Variants in RRP12 observed in about 807,000 individuals in gnomAD.
The protein encoded by RRP12 is ribosomal RNA processing 12 homolog, also known as RRP12-like protein.
In RRP12, 78 loss-of-function variants were observed where a neutral mutation model predicts 157.3. The ratio of observed to expected loss-of-function variants is 0.50; its 90% CI spans 0.41 to 0.60. The LOEUF is 0.60. Among genes scored for constraint, RRP12 ranks in the 20% least tolerant of loss-of-function variants. RRP12 has a pLI of 0.00. For synonymous variants in RRP12, 726 were observed against 670.9 expected, an observed-to-expected ratio of 1.08 and a Z score of -1.27; for missense variants, 1,521 against 1,679.9, an observed-to-expected ratio of 0.91 and a Z score of 1.65.
chr10:97,390,385 T>C lies in RRP12; in HGVS notation c.753+38A>G, dbSNP rs568541146. 19 of 1,503,206 alleles carry C rather than the reference T, an allele frequency of 1.3e-5. No homozygotes were observed. In the Admixed American group the frequency reaches 1.3e-4, roughly 11 times the overall value. 93.1% of individuals were successfully genotyped at this position (1,503,206 alleles called of 1,614,324 possible). A position where few individuals can be genotyped will look rare whatever the true frequency, so the allele number is the denominator to read the frequency against. ...GCTGCACTGGGCTGAGTGGTGGCTGTCCCCTTGCCCCATTTTCTAGGGAGC... is the reference window on the plus strand; with the variant it reads ...GCTGCACTGGGCTGAGTGGTGGCTGCCCCCTTGCCCCATTTTCTAGGGAGC... On this transcript the variant is annotated intron_variant, in intron 6 of 33. Coordinates refer to ENST00000370992, the MANE Select transcript of RRP12 (RefSeq NM_015179.4).
chr10:97,398,610 G>C (rs546078493), intron 2 of RRP12, among the ~76,000 whole-genome samples: 7 of 151,686 alleles, frequency 4.6e-5, no homozygotes, highest in African/African-American at 1.7e-4. Flanking sequence ...GCCTCCCAAA[G>C]TGCTAGGATT....
chr10:97,360,593 T>C lies in RRP12; in HGVS notation c.3593A>G (p.Gln1198Arg). The C allele has an allele frequency of 6.2e-7, 1 of 1,614,028 alleles. No homozygotes were observed. Among genetic ancestry groups the C allele is most frequent in the Non-Finnish European group, 8.5e-7 (1 of 1,179,912 alleles). Residue 1198 changes from glutamine to arginine, a missense_variant, in exon 31 of 34, where the codon CAG becomes CGG. Transcript: ENST00000370992. ...RNKKHQKLKHQKEAEEEELEI... is the reference protein window; with the variant it reads ...RNKKHQKLKHRKEAEEEELEI... ...CAGCTCCTCCTCCTCAGCCTCTTTC[T>C]GGTGCTTGAGCTTCTGGTGCTTTTT...
intron 8 of RRP12, among the ~76,000 whole-genome samples, chr10:97,387,520 G>A (rs899590390): frequency 8.6e-5 from 13 of 151,494 alleles, no homozygotes; most frequent in Non-Finnish European, 1.9e-4. Flanking sequence ...TCAATCCAAG[G>A]TTGGTTGAAT....
chr10:97,397,114 T>C (rs1173108198), intron 2 of RRP12, among the ~76,000 whole-genome samples: 1 of 152,060 alleles, frequency 6.6e-6, no homozygotes, highest in Non-Finnish European at 1.5e-5. Context: ...CCTAACACAA[T>C]GTAAATGCTA....
In RRP12 at chr10:97,366,520, C is replaced by T. The variant is rs1395193205; in HGVS notation, c.3317G>A (p.Arg1106Gln). 5.6e-6 allele frequency: 9 copies of T among 1,614,126 alleles called. No homozygotes were observed. The highest frequency in any genetic ancestry group is 3.3e-5 in the South Asian group (3 of 91,082). The change falls in exon 28 of 34, where the codon CGG becomes CAG. Residue 1106 changes from arginine to glutamine, a missense_variant. Coordinates refer to ENST00000370992, the MANE Select transcript of RRP12 (RefSeq NM_015179.4). ...CCCACCGCCCTCTTTCAGCCATGCC[C>T]GGCTCCTCTGTCGTGCCAGCTTCCG... ...EQRKLARQRS[R>Q]AWLKEGGGDE...
intron 2 of RRP12, 115 bp downstream of exon 2, chr10:97,400,190 G>A (rs1453176771): frequency 2.6e-6 from 2 of 774,054 alleles, no homozygotes; most frequent in Non-Finnish European, 4.4e-6. Context: ...GAGCGATGAC[G>A]CATCATCCAG....
chr10:97,382,473 T>C (rs1032329186), intron 10 of RRP12, among the ~76,000 whole-genome samples: 1 of 152,226 alleles, frequency 6.6e-6, no homozygotes, highest in African/African-American at 2.4e-5. Context: ...TCTTATCATA[T>C]ACCAATCACT....
Position 97,369,467 on chromosome 10 carries a change from A to G in RRP12, c.2913T>C (p.Thr971=). 1.2e-6 allele frequency: 2 copies of G among 1,612,402 alleles called. No homozygotes were observed. Among genetic ancestry groups the G allele is most frequent in the Non-Finnish European group, 1.7e-6 (2 of 1,179,336 alleles). ...TGGCCAGGTGCGCCACGTCCATGAC[A>G]GTCACTGCCACCTTGATGAAGCCCA... ...SALGFIKVAV[T]VMDVAHLAKH... is the part of the protein sequence containing the mutation. The change falls in exon 25 of 34, where the codon ACT becomes ACC. Residue 971 remains threonine (T), a synonymous_variant. Transcript: ENST00000370992.
At chr10:97,390,327 G>A in intron 6 of RRP12, 96 bp downstream of exon 6, 4 of 906,056 alleles carry the variant, frequency 4.4e-6, no homozygotes, top group Non-Finnish European at 7.3e-6. Context: ...CTCAGGGCAA[G>A]CTCCCCAGTG....
intron 30 of RRP12, among the ~76,000 whole-genome samples, chr10:97,361,601 G>A (rs912663773): frequency 6.6e-6 from 1 of 152,222 alleles, no homozygotes; most frequent in Admixed American, 6.5e-5. Context: ...GGGAGACGGG[G>A]GACTCCAGGT....
In RRP12 at chr10:97,370,989, G is replaced by T; in HGVS notation, c.2436C>A (p.Ser812Arg). Residue 812 changes from serine to arginine, a missense_variant, in exon 21 of 34, where the codon AGC becomes AGA. Transcript: ENST00000370992. ...GTGTCTTCTTCAGGTCCTCCAGGTG[G>T]CTCTGCACGAAGAGGGCCCCGGGGC... Reference protein sequence around the residue: ...PQGPGALFVQSHLEDLKKTLL... With the variant: ...PQGPGALFVQRHLEDLKKTLL... The T allele has an allele frequency of 6.2e-7, 1 of 1,613,980 alleles. No homozygotes were observed. The highest frequency in any genetic ancestry group is 8.5e-7 in the Non-Finnish European group (1 of 1,179,970).
intron 23 of RRP12, 31 bp downstream of exon 23, chr10:97,370,424 G>C (rs779487411): frequency 6.0e-6 from 9 of 1,512,024 alleles, no homozygotes; most frequent in Non-Finnish European, 8.1e-6. Context: ...TCTATGAGCA[G>C]AGTGTCCACC....
At chr10:97,369,881 G>A (rs900036741) in intron 24 of RRP12, among the ~76,000 whole-genome samples, 2 of 152,210 alleles carry the variant, frequency 1.3e-5, no homozygotes, top group African/African-American at 4.8e-5. Context: ...TAAAATCCAG[G>A]CATCAGCCCT....
rs555805222 is a variant in RRP12, at chr10:97,391,950, C to T, written c.531-1106G>A. ...GGAAAAAAACAACACACCATTTCAA[C>T]GATATTTTTCGGTATATCATTCAGT... is the stretch of plus-strand genomic sequence containing the variant. On this transcript the variant is annotated intron_variant, in intron 4 of 33. Transcript: ENST00000370992. 5.3e-5 allele frequency among the ~76,000 whole-genome samples: 8 copies of T among 151,314 alleles called. No homozygotes were observed. The East Asian group carries it at 1.4e-3, about 26-fold the overall frequency.
intron 2 of RRP12, among the ~76,000 whole-genome samples, chr10:97,398,612 G>T (rs1438198600): frequency 1.3e-5 from 2 of 151,588 alleles, no homozygotes; most frequent in Non-Finnish European, 2.9e-5. Context: ...CTCCCAAAGT[G>T]CTAGGATTAC....
chr10:97,366,083 G>T (rs1843967881), intron 29 of RRP12, 25 bp downstream of exon 29: 1 of 1,600,536 alleles, frequency 6.2e-7, no homozygotes, highest in Non-Finnish European at 8.5e-7. Flanking sequence ...CACGGTGAAT[G>T]AATGGACAAG....
chr10:97,400,654 A>C (rs1589446883), intron 1 of RRP12, 120 bp from the exon 2 acceptor site: 3 of 750,568 alleles, frequency 4.0e-6, no homozygotes. Context: ...AATTCTGAAC[A>C]CAGCCAGTCT....
intron 13 of RRP12, 56 bp downstream of exon 13, chr10:97,380,743 C>T: frequency 7.8e-7 from 1 of 1,278,420 alleles, no homozygotes; most frequent in Non-Finnish European, 1.1e-6. Flanking sequence ...TCCAGGAGCC[C>T]ATAGTCCAAG....
At chr10:97,392,693 C>CT in intron 4 of RRP12, among the ~76,000 whole-genome samples, 2 of 132,048 alleles carry the variant, frequency 1.5e-5, no homozygotes, top group Admixed American at 7.8e-5. Flanking sequence ...CATTTTCTTT[C>CT]TATTTTTTTT....
Sources: gnomAD v4.1 joint callset for allele counts (sites outside exome capture counted in the v4.1 genomes callset) on GRCh38, gnomAD v4.1.1 for gene constraint, MANE v1.5 for transcripts, NCBI Gene and HGNC (gene_info 2026-07-23, HGNC 2026-07-21) for gene names.